SGCZ: variants seen among roughly 807,000 people sequenced by gnomAD.
SGCZ encodes the protein sarcoglycan zeta, also known as zeta-sarcoglycan.
Under a neutral mutation model 41.3 loss-of-function variants are expected in SGCZ, and 40 were observed. The observed-to-expected ratio is 0.97, with a 90% CI of 0.75 to 1.26. The LOEUF (loss-of-function observed/expected upper bound fraction) is 1.26, where lower values mean the gene tolerates loss of function less well. Ranked by LOEUF, SGCZ falls within the 50% of genes most tolerant of loss-of-function variation. The pLI is 0.00. For synonymous variants in SGCZ, 206 were observed against 137.5 expected, an observed-to-expected ratio of 1.50 and a Z score of -3.49; for missense variants, 552 against 369.8, an observed-to-expected ratio of 1.49 and a Z score of -4.04.
intron 1 of SGCZ, among the ~76,000 whole-genome samples, chr8:15,092,816 T>C (rs998009709): frequency 2.6e-5 from 4 of 152,304 alleles, no homozygotes; most frequent in Admixed American, 6.5e-5. Flanking sequence ...ATCACATGCA[T>C]TGTCTGGGCT....
At chr8:14,235,268 AT>A (rs552428336) in intron 4 of SGCZ, among the ~76,000 whole-genome samples, 223 of 152,330 alleles carry the variant, frequency 1.5e-3, no homozygotes, top group African/African-American at 4.9e-3. Flanking sequence ...GTTCACTAAA[AT>A]ATGCAAACCA....
intron 1 of SGCZ, among the ~76,000 whole-genome samples, chr8:14,767,227 C>T (rs1004282013): frequency 6.6e-6 from 1 of 152,164 alleles, no homozygotes; most frequent in South Asian, 2.1e-4. Flanking sequence ...TTGCAGTAGC[C>T]TACTTTTCCC....
At chr8:14,476,194 A>G (rs1264632015) in intron 2 of SGCZ, among the ~76,000 whole-genome samples, 1 of 152,154 alleles carries the variant, frequency 6.6e-6, no homozygotes, top group Non-Finnish European at 1.5e-5. Context: ...TTTCTGTATT[A>G]GCATTTGAAT....
At chr8:15,011,555 T>C (rs1802828065) in intron 1 of SGCZ, among the ~76,000 whole-genome samples, 2 of 152,220 alleles carry the variant, frequency 1.3e-5, no homozygotes, top group Admixed American at 1.3e-4. Context: ...AAACTGCAGA[T>C]TATAAGATAG....
At chr8:14,849,697 T>A (rs1298922761) in intron 1 of SGCZ, among the ~76,000 whole-genome samples, 1 of 152,116 alleles carries the variant, frequency 6.6e-6, no homozygotes, top group Non-Finnish European at 1.5e-5. Flanking sequence ...TTGTTGGTAA[T>A]GCATAAGTTC....
chr8:14,204,341 C>A (rs1048658373), intron 4 of SGCZ, among the ~76,000 whole-genome samples: 3 of 151,318 alleles, frequency 2.0e-5, no homozygotes, highest in Admixed American at 2.0e-4. Context: ...CAAATACCAG[C>A]ATTACCCAGA....
chr8:14,575,904 T>TG (rs1804692954), intron 1 of SGCZ, among the ~76,000 whole-genome samples: 1 of 9,950 alleles, frequency 1.0e-4, no homozygotes, highest in African/African-American at 8.3e-4. Context: ...AGACCCTGTC[T>TG]CAAAATAACA....
chr8:14,312,420 C>T (rs764985051), intron 3 of SGCZ, among the ~76,000 whole-genome samples: 4 of 152,018 alleles, frequency 2.6e-5, no homozygotes, highest in Non-Finnish European at 4.4e-5. Context: ...ATGTGATTTT[C>T]GGGTAGTGAA....
chr8:14,389,503 A>C (rs1342969462), intron 2 of SGCZ, among the ~76,000 whole-genome samples: 1 of 151,786 alleles, frequency 6.6e-6, no homozygotes, highest in Non-Finnish European at 1.5e-5. Context: ...GGCTAACAAA[A>C]GTCATGATAA....
At chr8:14,949,089 G>T (rs1800546593) in intron 1 of SGCZ, among the ~76,000 whole-genome samples, 1 of 152,018 alleles carries the variant, frequency 6.6e-6, no homozygotes, top group Non-Finnish European at 1.5e-5. Flanking sequence ...ACACCGCCCA[G>T]AATTTGCTCT....
intron 1 of SGCZ, among the ~76,000 whole-genome samples, chr8:14,874,593 T>C (rs181305335): frequency 7.5e-4 from 114 of 152,270 alleles, no homozygotes; most frequent in Non-Finnish European, 1.5e-3. Flanking sequence ...GATTCTCTTC[T>C]AATATAAAAT....
intron 1 of SGCZ, among the ~76,000 whole-genome samples, chr8:15,204,452 T>C (rs192217971): frequency 5.8e-4 from 88 of 152,302 alleles, no homozygotes; most frequent in African/African-American, 2.1e-3. Context: ...CACCCACCAA[T>C]AAAACACCTA....
At chr8:14,714,341 A>G (rs1809619432) in intron 1 of SGCZ, among the ~76,000 whole-genome samples, 1 of 152,194 alleles carries the variant, frequency 6.6e-6, no homozygotes, top group Admixed American at 6.5e-5. Flanking sequence ...AAAAAAAGTA[A>G]CAGTATCATA....
At chr8:14,607,024 G>C (rs1188763463) in intron 1 of SGCZ, among the ~76,000 whole-genome samples, 1 of 152,106 alleles carries the variant, frequency 6.6e-6, no homozygotes, top group Non-Finnish European at 1.5e-5. Context: ...GCAGCATACT[G>C]AAATGAGAAA....
chr8:15,193,427 T>C (rs11989265), intron 1 of SGCZ, among the ~76,000 whole-genome samples: 3,951 of 152,110 alleles, frequency 0.026, 199 homozygotes, highest in African/African-American at 0.091. Flanking sequence ...TTTCTATGTG[T>C]TAATCACTGT....
intron 1 of SGCZ, among the ~76,000 whole-genome samples, chr8:14,664,392 G>A (rs1337333966): frequency 1.3e-5 from 2 of 152,134 alleles, no homozygotes; most frequent in Admixed American, 1.3e-4. Context: ...TACTCATCTT[G>A]TGCTTAGAAG....
intron 1 of SGCZ, among the ~76,000 whole-genome samples, chr8:15,215,964 T>C (rs912420801): frequency 6.6e-6 from 1 of 152,178 alleles, no homozygotes; most frequent in Non-Finnish European, 1.5e-5. Context: ...AAGTACATCC[T>C]TGTTGGTTGC....
At chr8:14,749,861 C>G (rs1799448175) in intron 1 of SGCZ, among the ~76,000 whole-genome samples, 1 of 152,158 alleles carries the variant, frequency 6.6e-6, no homozygotes, top group Admixed American at 6.5e-5. Context: ...GAAATCTCAA[C>G]ATAAGTAACA....
At chr8:14,985,570 T>C (rs1801802068) in intron 1 of SGCZ, among the ~76,000 whole-genome samples, 1 of 152,160 alleles carries the variant, frequency 6.6e-6, no homozygotes, top group Non-Finnish European at 1.5e-5. Flanking sequence ...CAGAAAGCAG[T>C]TCAGAATGCA....
Sources: allele counts gnomAD v4.1 joint callset (sites outside exome capture counted in the v4.1 genomes callset), GRCh38; gene constraint gnomAD v4.1.1; transcripts MANE v1.5; gene names NCBI Gene and HGNC (gene_info 2026-07-23, HGNC 2026-07-21).